Variants in TRDN observed in about 807,000 individuals in gnomAD.
The protein encoded by TRDN is triadin in skeletal muscle.
A neutral mutation model predicts 149.7 loss-of-function variants in TRDN; 161 were observed. That is an observed-to-expected ratio of 1.08 (90% CI 0.95 to 1.23). The LOEUF (loss-of-function observed/expected upper bound fraction) is 1.23. TRDN is among the 50% of genes most tolerant of loss of function. The pLI is 0.00. For synonymous variants in TRDN, 294 were observed against 250.5 expected (o/e 1.17, Z -1.64); for missense variants, 896 against 823.5 (o/e 1.09, Z -1.08).
chr6:123,411,868 G>A, intron 12 of TRDN: 1 of 152,206 alleles, frequency 6.6e-6, no homozygotes, highest in East Asian at 1.9e-4. Context: ...GTAAGTAAGA[G>A]CAGAACTCAC....
intron 2 of TRDN, among the ~76,000 whole-genome samples, chr6:123,550,018 C>T (rs907693374): frequency 7.2e-5 from 11 of 152,088 alleles, no homozygotes; most frequent in African/African-American, 2.6e-4. Context: ...GAGTTTTAGA[C>T]TTTCAAAATT....
At chr6:123,591,402 C>A (rs569744137) in intron 1 of TRDN, among the ~76,000 whole-genome samples, 1 of 152,076 alleles carries the variant, frequency 6.6e-6, no homozygotes, top group African/African-American at 2.4e-5. Flanking sequence ...TGCCCCACCA[C>A]GCCCAGCTAA....
intron 26 of TRDN, among the ~76,000 whole-genome samples, chr6:123,275,333 G>C (rs1398558078): frequency 2.6e-5 from 4 of 152,010 alleles, no homozygotes; most frequent in African/African-American, 9.7e-5. Context: ...CACAAATAGA[G>C]AAGATGACCA....
chr6:123,328,552 C>T (rs1779547420), intron 23 of TRDN, among the ~76,000 whole-genome samples: 1 of 152,100 alleles, frequency 6.6e-6, no homozygotes, highest in Non-Finnish European at 1.5e-5. Context: ...TTTCACTGGG[C>T]CTCTAGTCCC....
intron 20 of TRDN, among the ~76,000 whole-genome samples, chr6:123,353,752 GA>G (rs1168712963): frequency 6.6e-6 from 1 of 151,522 alleles, no homozygotes; most frequent in African/African-American, 2.4e-5. Flanking sequence ...GCACTGGTTA[GA>G]AAAAAATTCC....
chr6:123,294,060 A>G (rs1238227574), intron 24 of TRDN, among the ~76,000 whole-genome samples: 5 of 152,184 alleles, frequency 3.3e-5, no homozygotes, highest in Admixed American at 2.6e-4. Context: ...AGGGAATTCA[A>G]GTGTCCTTAG....
rs541861570 is a variant in TRDN, at chr6:123,358,187, G to GA, written c.1322-5602dup. On this transcript the variant is annotated intron_variant, in intron 20 of 40. Coordinates refer to ENST00000334268, the MANE Select transcript of TRDN (RefSeq NM_006073.4). ...TCTACTTTTGTAGAAGCGTATTTTA[G>GA]AAAAAAAAATAGATTCTTATTTCAC... Among the ~76,000 whole-genome samples, 75 of 149,662 alleles carry GA rather than the reference G, an allele frequency of 5.0e-4. 1 individual carries two copies. The highest frequency in any genetic ancestry group is 3.5e-3 in the East Asian group (18 of 5,114).
In TRDN at chr6:123,636,824, A is replaced by C; in HGVS notation, c.-49T>G. ...AGTTGAAAAGTTCCCGTCAAGTTGC[A>C]CTTTGCAGAGTATTTGGGGATTTGA... On this transcript the variant is annotated 5_prime_UTR_variant, in exon 1 of 41. Transcript: ENST00000334268. 6.2e-7 allele frequency: 1 copy of C among 1,610,216 alleles called. No individual in the cohort carries two copies. The highest frequency in any genetic ancestry group is 8.5e-7 in the Non-Finnish European group (1 of 1,177,378).
chr6:123,237,841 T>A (rs565637050), intron 38 of TRDN, among the ~76,000 whole-genome samples: 1 of 152,142 alleles, frequency 6.6e-6, no homozygotes, highest in Admixed American at 6.5e-5. Context: ...CAAACTATAG[T>A]AACACTGCAG....
chr6:123,265,736 TA>T (rs1776925647), intron 32 of TRDN, among the ~76,000 whole-genome samples: 1 of 147,696 alleles, frequency 6.8e-6, no homozygotes, highest in African/African-American at 2.4e-5. Flanking sequence ...TTATTAATAT[TA>T]ATTTATACTA....
intron 35 of TRDN, 25 bp downstream of exon 35, chr6:123,259,599 A>G (rs1353178153): frequency 1.4e-6 from 2 of 1,426,682 alleles, no homozygotes; most frequent in East Asian, 5.1e-5. Context: ...AATTTGATGT[A>G]TATGTCTTAA....
chr6:123,516,374 A>T (rs1281378043), intron 5 of TRDN, among the ~76,000 whole-genome samples, 168 bp from the exon 6 acceptor site: 2 of 152,118 alleles, frequency 1.3e-5, no homozygotes, highest in African/African-American at 4.8e-5. Context: ...ATAATTACAG[A>T]TTTATTTCCT....
chr6:123,243,226 C>A (rs1776054373), intron 38 of TRDN, among the ~76,000 whole-genome samples: 1 of 152,074 alleles, frequency 6.6e-6, no homozygotes, highest in African/African-American at 2.4e-5. Flanking sequence ...TAGCACAGGC[C>A]CAAAGGACTG....
chr6:123,612,982 T>G (rs1784894126), intron 1 of TRDN, among the ~76,000 whole-genome samples: 1 of 152,168 alleles, frequency 6.6e-6, no homozygotes, highest in African/African-American at 2.4e-5. Context: ...CACCTACTTA[T>G]CATCATGACA....
chr6:123,451,907 G>T (rs1378676108), intron 10 of TRDN, among the ~76,000 whole-genome samples: 1 of 152,120 alleles, frequency 6.6e-6, no homozygotes, highest in Non-Finnish European at 1.5e-5. Context: ...CCATGATCAA[G>T]TGGGTTTCAT....
At chr6:123,347,436 T>C (rs1190613897) in intron 21 of TRDN, among the ~76,000 whole-genome samples, 1 of 152,092 alleles carries the variant, frequency 6.6e-6, no homozygotes. Flanking sequence ...TTATTACTAA[T>C]TCTCATGCTT....
intron 1 of TRDN, among the ~76,000 whole-genome samples, chr6:123,624,388 TA>T (rs1403693210): frequency 6.6e-6 from 1 of 152,144 alleles, no homozygotes; most frequent in Admixed American, 6.6e-5. Flanking sequence ...CTGGTCTACT[TA>T]ATTCAAGAGG....
intron 2 of TRDN, among the ~76,000 whole-genome samples, chr6:123,555,125 C>A (rs1375654767): frequency 6.6e-6 from 1 of 152,048 alleles, no homozygotes; most frequent in African/African-American, 2.4e-5. Context: ...TCTTCATTGA[C>A]CTGATGTTTA....
chr6:123,255,116 CT>C lies in TRDN; in HGVS notation c.1915del (p.Arg639GlufsTer10). 7.5e-7 allele frequency: 1 copy of C among 1,337,420 alleles called. No homozygotes were observed. The highest frequency in any genetic ancestry group is 1.0e-6 in the Non-Finnish European group (1 of 985,360). 82.8% of individuals were successfully genotyped at this position (1,337,420 alleles called of 1,614,324 possible). A position where few individuals can be genotyped will look rare whatever the true frequency, so the allele number is the denominator to read the frequency against. On this transcript the variant is annotated frameshift_variant, in exon 37 of 41. Transcript: ENST00000334268. LOFTEE classifies it high-confidence loss of function. ...ATTGTGTAATTGAAGACTTTCTTTT[CT>C]TGTTGAGACTGTTAATAAGGAAAAT... Reference protein sequence around the residue: ...KHLREEKVSTRKESLQLHNVT... With the variant: ...KHLREEKVSTXKESLQLHNVT...
Sources: allele counts gnomAD v4.1 joint callset (sites outside exome capture counted in the v4.1 genomes callset), GRCh38; gene constraint gnomAD v4.1.1; transcripts MANE v1.5; gene names NCBI Gene and HGNC (gene_info 2026-07-23, HGNC 2026-07-21).